The following EGLN1 variants were observed in gnomAD, a reference collection of about 807,000 sequenced individuals.
The protein encoded by EGLN1 is egl-9 family hypoxia inducible factor 1.
Under a neutral mutation model 38.3 loss-of-function variants are expected in EGLN1, and 17 were observed. The observed-to-expected ratio is 0.44, with a 90% CI of 0.30 to 0.67. The LOEUF is 0.67. Among genes scored for constraint, EGLN1 ranks in the 30% least tolerant of loss-of-function variants. The pLI, the probability that EGLN1 is intolerant of heterozygous loss-of-function variation, is 0.08. For synonymous variants in EGLN1, 283 were observed against 257.5 expected (o/e 1.10, Z -0.95); for missense variants, 477 against 603.3 (o/e 0.79, Z 2.19).
chr1:231,378,340 T>G (rs116655497), intron 1 of EGLN1, among the ~76,000 whole-genome samples: 2,253 of 152,350 alleles, frequency 0.015, 54 homozygotes, highest in African/African-American at 0.051. Context: ...TTTGCCACCT[T>G]ATAGAGACAC....
intron 1 of EGLN1, 28 bp downstream of exon 1, chr1:231,420,970 C>T: frequency 6.2e-7 from 1 of 1,613,720 alleles, no homozygotes; most frequent in Middle Eastern, 1.7e-4. Context: ...AAGGGCCTGT[C>T]CAGCACAAAC....
intron 1 of EGLN1, among the ~76,000 whole-genome samples, chr1:231,377,406 G>C (rs1209887729): frequency 1.3e-5 from 2 of 152,206 alleles, no homozygotes; most frequent in Non-Finnish European, 2.9e-5. Flanking sequence ...AAACCAAAGA[G>C]GCTGAGCCCA....
At chr1:231,390,909 G>A (rs540934749) in intron 1 of EGLN1, among the ~76,000 whole-genome samples, 20 of 150,904 alleles carry the variant, frequency 1.3e-4, no homozygotes, top group Admixed American at 4.0e-4. Flanking sequence ...GATCAGTGGC[G>A]TGATCATAGC....
rs139229810 is a variant in EGLN1 at position 231,382,477 on chromosome 1, A to T, written c.892-8378T>A. Among the ~76,000 whole-genome samples the T allele has an allele frequency of 3.3e-5, 5 of 152,366 alleles. No individual in the cohort carries two copies. The East Asian group carries it at 9.6e-4, about 29-fold the overall frequency. ...ATCTCATCTCAAAGCCAGAGAATTTAGTAATTAACATAGTGGATATTAGAA... is the reference window on the plus strand; with the variant it reads ...ATCTCATCTCAAAGCCAGAGAATTTTGTAATTAACATAGTGGATATTAGAA... On this transcript the variant is annotated intron_variant, in intron 1 of 4. Coordinates refer to ENST00000366641, the MANE Select transcript of EGLN1 (RefSeq NM_022051.3).
chr1:231,385,883 G>A (rs948548246), intron 1 of EGLN1, among the ~76,000 whole-genome samples: 2 of 152,146 alleles, frequency 1.3e-5, no homozygotes, highest in Non-Finnish European at 2.9e-5. Flanking sequence ...CTGAGACACG[G>A]TCTTGCTCTG....
intron 1 of EGLN1, among the ~76,000 whole-genome samples, chr1:231,387,278 G>A (rs1252453474): frequency 3.3e-5 from 5 of 149,360 alleles, no homozygotes; most frequent in Non-Finnish European, 5.9e-5. Context: ...AATAAAGACA[G>A]AATACTAAAT....
chr1:231,409,664 AAAGT>A (rs768314291), intron 1 of EGLN1, among the ~76,000 whole-genome samples: 1 of 152,188 alleles, frequency 6.6e-6, no homozygotes, highest in Non-Finnish European at 1.5e-5. Context: ...TACAGATGCC[AAAGT>A]AAGAGACAGA....
At chr1:231,376,763 A>G (rs1687968098) in intron 1 of EGLN1, among the ~76,000 whole-genome samples, 1 of 152,200 alleles carries the variant, frequency 6.6e-6, no homozygotes, top group Non-Finnish European at 1.5e-5. Flanking sequence ...AGATGACATG[A>G]TATTCTTGAA....
At chr1:231,420,642 C>CT (rs1192722404) in intron 1 of EGLN1, among the ~76,000 whole-genome samples, 1 of 152,136 alleles carries the variant, frequency 6.6e-6, no homozygotes, top group African/African-American at 2.4e-5. Flanking sequence ...GGGTGGTACT[C>CT]TAACACCCCT....
At chr1:231,409,241 TA>T (rs68152109) in intron 1 of EGLN1, among the ~76,000 whole-genome samples, 237 of 120,698 alleles carry the variant, frequency 2.0e-3, no homozygotes, top group African/African-American at 3.1e-3. Context: ...CCTAATTTCT[TA>T]AAAAAAAAAA....
chr1:231,404,421 AG>A (rs1266818560), intron 1 of EGLN1, among the ~76,000 whole-genome samples: 1 of 152,148 alleles, frequency 6.6e-6, no homozygotes, highest in Non-Finnish European at 1.5e-5. Context: ...AGTAAATAAA[AG>A]AAATACTAAG....
At chr1:231,407,798 C>A (rs1329489033) in intron 1 of EGLN1, among the ~76,000 whole-genome samples, 1 of 152,034 alleles carries the variant, frequency 6.6e-6, no homozygotes, top group Non-Finnish European at 1.5e-5. Context: ...AAAAATAGTG[C>A]AAGCCATGCT....
At chr1:231,377,606 G>T (rs1464871172) in intron 1 of EGLN1, among the ~76,000 whole-genome samples, 1 of 152,184 alleles carries the variant, frequency 6.6e-6, no homozygotes, top group Non-Finnish European at 1.5e-5. Context: ...GGTAGGAGAG[G>T]AGTTTATCGA....
intron 1 of EGLN1, among the ~76,000 whole-genome samples, chr1:231,399,234 T>G (rs1386747693): frequency 6.6e-6 from 1 of 152,176 alleles, no homozygotes; most frequent in Admixed American, 6.5e-5. Flanking sequence ...GACCCTATAC[T>G]GGGCACTTTA....
intron 1 of EGLN1, among the ~76,000 whole-genome samples, chr1:231,407,382 T>C (rs181187965): frequency 1.3e-4 from 20 of 152,300 alleles, no homozygotes; most frequent in African/African-American, 3.6e-4. Context: ...TTCCACGTAA[T>C]TGACATTTTG....
chr1:231,397,925 G>A (rs1218892048), intron 1 of EGLN1, among the ~76,000 whole-genome samples: 1 of 152,122 alleles, frequency 6.6e-6, no homozygotes, highest in East Asian at 1.9e-4. Context: ...GTCAAAGCAG[G>A]TTCTGAAGAA....
At chr1:231,405,417 T>C (rs1189922186) in intron 1 of EGLN1, among the ~76,000 whole-genome samples, 1 of 152,040 alleles carries the variant, frequency 6.6e-6, no homozygotes, top group East Asian at 1.9e-4. Flanking sequence ...GACCTCGTGA[T>C]CCGCCCACCT....
rs187864881 is a variant in EGLN1, at chr1:231,418,661, C to T, written c.891+2337G>A. Among the ~76,000 whole-genome samples the T allele has an allele frequency of 2.0e-3, 298 of 152,170 alleles. 1 individual carries two copies. Among genetic ancestry groups the T allele is most frequent in the African/African-American group, 6.8e-3 (281 of 41,510 alleles). ...GGAGGATCCCCTGAGCCGAGGAGTTCGAGATCAAATGATCAGCAAGACCCT... is the reference window on the plus strand; with the variant it reads ...GGAGGATCCCCTGAGCCGAGGAGTTTGAGATCAAATGATCAGCAAGACCCT... On this transcript the variant is annotated intron_variant, in intron 1 of 4. Transcript: ENST00000366641.
chr1:231,413,947 T>G (rs1050335303), intron 1 of EGLN1, among the ~76,000 whole-genome samples: 11 of 152,190 alleles, frequency 7.2e-5, no homozygotes, highest in African/African-American at 2.7e-4. Flanking sequence ...AATTCTGAAT[T>G]GGTTATGGAA....
Sources: gnomAD v4.1 joint callset for allele counts (sites outside exome capture counted in the v4.1 genomes callset) on GRCh38, gnomAD v4.1.1 for gene constraint, MANE v1.5 for transcripts, NCBI Gene and HGNC (gene_info 2026-07-23, HGNC 2026-07-21) for gene names.